SSPN: variants seen among roughly 807,000 people sequenced by gnomAD.
SSPN encodes the protein K-ras oncogene-associated protein.
SSPN carries 15 observed loss-of-function variants against 19.1 expected under a neutral mutation model. The ratio of observed to expected loss-of-function variants is 0.78; its 90% CI spans 0.52 to 1.21. The LOEUF (loss-of-function observed/expected upper bound fraction) is 1.21. SSPN is among the 50% of genes most tolerant of loss of function. The probability of loss-of-function intolerance (pLI) is 0.00; values close to 1 mark genes in which losing one functional copy is unlikely to be tolerated. For synonymous variants in SSPN, 147 were observed against 140.3 expected (o/e 1.05, Z -0.34); for missense variants, 291 against 314.0 (o/e 0.93, Z 0.55).
intron 1 of SSPN, among the ~76,000 whole-genome samples, chr12:26,136,154 A>G (rs977080190): frequency 1.3e-5 from 2 of 152,230 alleles, no homozygotes; most frequent in African/African-American, 2.4e-5. Context: ...ATTAGGTGTC[A>G]TAAGTAATCT....
At chr12:26,124,501 T>C (rs1442969238) in intron 1 of SSPN, 3 of 1,611,420 alleles carry the variant, frequency 1.9e-6, no homozygotes, top group Non-Finnish European at 2.5e-6. Flanking sequence ...ATGAGGAATA[T>C]CGGGAACTTA....
chr12:26,194,695 A>G (rs1268061882), upstream of SSPN, among the ~76,000 whole-genome samples: 1 of 152,090 alleles, frequency 6.6e-6, no homozygotes, highest in Non-Finnish European at 1.5e-5. Context: ...AAACAAATAC[A>G]CGTGAGAGGC....
intron 1 of SSPN, among the ~76,000 whole-genome samples, chr12:26,216,184 A>G (rs934042196): frequency 6.6e-6 from 1 of 152,164 alleles, no homozygotes; most frequent in African/African-American, 2.4e-5. Context: ...TGGACCCCTA[A>G]CCATTTCGAT....
At chr12:26,191,316 C>T (rs1487966458), upstream of SSPN, among the ~76,000 whole-genome samples, 1 of 152,080 alleles carries the variant, frequency 6.6e-6, no homozygotes, top group African/African-American at 2.4e-5. Context: ...ACCTCTATAG[C>T]CCTCCAGAGA....
intron 1 of SSPN, among the ~76,000 whole-genome samples, chr12:26,185,774 C>T (rs539926217): frequency 1.3e-5 from 2 of 152,318 alleles, no homozygotes; most frequent in South Asian, 4.1e-4. Flanking sequence ...ACAGACTGTG[C>T]CTGAGATTGA....
chr12:26,131,922 C>T (rs1944399266), intron 1 of SSPN, among the ~76,000 whole-genome samples: 1 of 152,184 alleles, frequency 6.6e-6, no homozygotes, highest in Non-Finnish European at 1.5e-5. Flanking sequence ...CAGGGTGTCA[C>T]TGGCAAGAGT....
Position 26,195,958 on chromosome 12 carries a change from A to T in SSPN, c.279+7A>T. 1 of 1,491,252 alleles carries T rather than the reference A, an allele frequency of 6.7e-7. No homozygotes were observed. Among genetic ancestry groups the T allele is most frequent in the African/African-American group, 1.5e-5 (1 of 68,600 alleles). The allele number at this position is 1,491,252 out of a possible 1,614,324, so 92.4% of individuals were successfully genotyped here. A position where few individuals can be genotyped will look rare whatever the true frequency, so the allele number is the denominator to read the frequency against. On this transcript the variant is annotated splice_region_variant and intron_variant, in intron 1 of 2. Transcript: ENST00000242729. Reference sequence around the variant, plus strand: ...ATTTTGGGCTGGGATCATTGTAAGCATCAAGTCTGTTTTGCCTAAGCGCGT... The same window carrying T: ...ATTTTGGGCTGGGATCATTGTAAGCTTCAAGTCTGTTTTGCCTAAGCGCGT...
intron 2 of SSPN, among the ~76,000 whole-genome samples, chr12:26,227,831 G>C (rs543874080): frequency 1.9e-4 from 29 of 152,318 alleles, no homozygotes; most frequent in African/African-American, 6.7e-4. Flanking sequence ...ACCATGGCTA[G>C]TGAGGGGAGA....
At chr12:26,172,018 A>G (rs1944656355) in intron 1 of SSPN, among the ~76,000 whole-genome samples, 1 of 152,196 alleles carries the variant, frequency 6.6e-6, no homozygotes, top group Non-Finnish European at 1.5e-5. Context: ...TGTAGACCAT[A>G]TGCAATAATG....
chr12:26,199,397 G>T (rs1412880850), intron 1 of SSPN, among the ~76,000 whole-genome samples: 2 of 152,192 alleles, frequency 1.3e-5, no homozygotes, highest in Admixed American at 1.3e-4. Flanking sequence ...AAAAAACCCA[G>T]AATGGAGTCA....
intron 1 of SSPN, among the ~76,000 whole-genome samples, chr12:26,155,262 A>G (rs1376895983): frequency 6.6e-6 from 1 of 152,248 alleles, no homozygotes; most frequent in African/African-American, 2.4e-5. Context: ...TTACTTGTCC[A>G]GACTAATCAG....
chr12:26,224,224 T>C (rs1945153335), intron 1 of SSPN, 69 bp from the exon 2 acceptor site: 1 of 1,078,722 alleles, frequency 9.3e-7, no homozygotes, highest in African/African-American at 1.6e-5. Flanking sequence ...AGGAAGATAC[T>C]GAGACTGATG....
At chr12:26,190,753 CTTT>C (rs963446433), upstream of SSPN, among the ~76,000 whole-genome samples, 10 of 152,100 alleles carry the variant, frequency 6.6e-5, no homozygotes, top group African/African-American at 2.4e-4. Context: ...CTGTATTTCT[CTTT>C]TTATTACACT....
chr12:26,216,208 G>C (rs930747373), intron 1 of SSPN, among the ~76,000 whole-genome samples: 5 of 152,124 alleles, frequency 3.3e-5, no homozygotes, highest in African/African-American at 9.7e-5. Context: ...CCCTACACCA[G>C]ACATCAGCAT....
intron 1 of SSPN, chr12:26,122,603 A>G: frequency 1.8e-6 from 2 of 1,115,720 alleles, no homozygotes; most frequent in Non-Finnish European, 2.2e-6. Flanking sequence ...CGGGCCCCAG[A>G]AGCGCGGCTG....
chr12:26,160,932 A>G (rs1944584378), intron 1 of SSPN, among the ~76,000 whole-genome samples: 1 of 151,430 alleles, frequency 6.6e-6, no homozygotes, highest in Admixed American at 6.6e-5. Context: ...GCATGGTGAA[A>G]CCCTGTCTCT....
intron 1 of SSPN, among the ~76,000 whole-genome samples, chr12:26,136,493 C>T (rs1270798389): frequency 2.0e-5 from 3 of 152,128 alleles, no homozygotes; most frequent in East Asian, 1.9e-4. Flanking sequence ...CTGTTTATTG[C>T]GTGTCCATGA....
chr12:26,207,108 G>A (rs764474275), intron 1 of SSPN, among the ~76,000 whole-genome samples: 1 of 152,050 alleles, frequency 6.6e-6, no homozygotes, highest in African/African-American at 2.4e-5. Context: ...AAGGAGAGGG[G>A]GTCTGAAATT....
chr12:26,223,353 G>C (rs757461059), intron 1 of SSPN, among the ~76,000 whole-genome samples: 12 of 152,192 alleles, frequency 7.9e-5, no homozygotes, highest in Non-Finnish European at 1.3e-4. Flanking sequence ...TGGGATTACA[G>C]GTGTGCACCA....
Sources: gnomAD v4.1 joint callset for allele counts (sites outside exome capture counted in the v4.1 genomes callset) on GRCh38, gnomAD v4.1.1 for gene constraint, MANE v1.5 for transcripts, NCBI Gene and HGNC (gene_info 2026-07-23, HGNC 2026-07-21) for gene names.